The following SLC41A3 variants were observed in gnomAD, a reference collection of about 807,000 sequenced individuals.
SLC41A3 encodes SLC41A1-like 2.
A neutral mutation model predicts 45.4 loss-of-function variants in SLC41A3; 44 were observed. That is an observed-to-expected ratio of 0.97 (90% confidence interval 0.76 to 1.25). The LOEUF (loss-of-function observed/expected upper bound fraction) is 1.25, where lower values mean the gene tolerates loss of function less well. Ranked by LOEUF, SLC41A3 falls within the 50% of genes most tolerant of loss-of-function variation. The probability of loss-of-function intolerance (pLI) is 0.00; values close to 1 mark genes in which losing one functional copy is unlikely to be tolerated. For synonymous variants in SLC41A3, 256 were observed against 252.4 expected (o/e 1.01, Z -0.13); for missense variants, 550 against 600.6 (o/e 0.92, Z 0.88).
At chr3:126,036,747 A>G (rs934017853) in intron 3 of SLC41A3, among the ~76,000 whole-genome samples, 3 of 152,078 alleles carry the variant, frequency 2.0e-5, no homozygotes, top group African/African-American at 7.2e-5. Context: ...CACTCACATA[A>G]TTTGTCATTA....
intron 10 of SLC41A3, among the ~76,000 whole-genome samples, chr3:126,007,910 C>T (rs747351751): frequency 2.6e-5 from 4 of 152,250 alleles, no homozygotes; most frequent in African/African-American, 7.2e-5. Context: ...ACCATCAGCC[C>T]GCTGCAGTCT....
At chr3:126,008,560 G>A (rs531688416) in intron 10 of SLC41A3, among the ~76,000 whole-genome samples, 172 bp downstream of exon 10, 1 of 152,092 alleles carries the variant, frequency 6.6e-6, no homozygotes, top group Non-Finnish European at 1.5e-5. Context: ...GGTGTGCAGT[G>A]TGGAATGGCC....
chr3:126,089,862 A>G (rs1032940434), intron 1 of SLC41A3, among the ~76,000 whole-genome samples: 11 of 152,184 alleles, frequency 7.2e-5, no homozygotes, highest in Non-Finnish European at 1.5e-4. Context: ...ACTGATAAAC[A>G]AGGAGCCCTT....
rs367625150 is a variant in SLC41A3, at chr3:126,068,236, G to A, written c.-17C>T. ...CCCATCCATCTGGGCACAGCTGGGCGCCTGGCAGCCCTACAGTGGGAGACA... is the reference window on the plus strand; with the variant it reads ...CCCATCCATCTGGGCACAGCTGGGCACCTGGCAGCCCTACAGTGGGAGACA... On this transcript the variant is annotated 5_prime_UTR_variant, in exon 2 of 11. Transcript: ENST00000360370. The A allele has an allele frequency of 1.1e-4, 169 of 1,500,982 alleles. No homozygotes were observed. The highest frequency in any genetic ancestry group is 1.3e-4 in the Non-Finnish European group (149 of 1,126,462). 93.0% of individuals were successfully genotyped at this position (1,500,982 alleles called of 1,614,324 possible).
intron 1 of SLC41A3, among the ~76,000 whole-genome samples, chr3:126,075,338 T>C (rs1412879005): frequency 5.3e-5 from 8 of 152,132 alleles, no homozygotes; most frequent in African/African-American, 1.9e-4. Flanking sequence ...TGAAGAAAAC[T>C]TCAGAACAAA....
intron 1 of SLC41A3, among the ~76,000 whole-genome samples, chr3:126,071,622 T>C (rs901165424): frequency 1.3e-5 from 2 of 152,200 alleles, no homozygotes; most frequent in African/African-American, 2.4e-5. Context: ...ATGGAACATT[T>C]TGCAGGCTTG....
At chr3:126,066,987 C>T (rs894998604) in intron 2 of SLC41A3, among the ~76,000 whole-genome samples, 2 of 152,096 alleles carry the variant, frequency 1.3e-5, no homozygotes, top group Non-Finnish European at 2.9e-5. Context: ...ATGCTGCAGA[C>T]TCAGAGCACA....
chr3:126,016,910 G>T, intron 6 of SLC41A3, 35 bp from the exon 7 acceptor site: 1 of 1,603,172 alleles, frequency 6.2e-7, no homozygotes, highest in South Asian at 1.1e-5. Context: ...CAGCTCATGT[G>T]GCCAAGGCCA....
At chr3:126,007,248 CAAA>C (rs1559798869) in intron 10 of SLC41A3, 23 bp from the exon 11 acceptor site, 1 of 1,610,468 alleles carries the variant, frequency 6.2e-7, no homozygotes, top group Non-Finnish European at 8.5e-7. Context: ...CAAAGAGACA[CAAA>C]AGAAGACCAA....
At chr3:126,095,097 A>G (rs1391075165) in intron 1 of SLC41A3, 13 of 567,904 alleles carry the variant, frequency 2.3e-5, no homozygotes, top group Non-Finnish European at 3.8e-5. Flanking sequence ...CAGAAGCAGA[A>G]CAACTGATTT....
intron 3 of SLC41A3, among the ~76,000 whole-genome samples, chr3:126,037,198 G>C (rs1228247377): frequency 6.6e-6 from 1 of 152,044 alleles, no homozygotes; most frequent in Non-Finnish European, 1.5e-5. Flanking sequence ...CCCTTCTCCT[G>C]CTCCCTCTCT....
rs1939841592 is a variant in SLC41A3 at position 126,012,676 on chromosome 3, G to A, written c.1044C>T (p.Gly348=). ...STYLHMWSAP[G]VLPLQMKKFW... ...ATTTCTTCATCTGGAGGGGCAGGACGCCAGGTGCACTCCACATGTGCAGGT... is the reference window on the plus strand; with the variant it reads ...ATTTCTTCATCTGGAGGGGCAGGACACCAGGTGCACTCCACATGTGCAGGT... Residue 348 remains glycine, a synonymous_variant, in exon 9 of 11, where the codon GGC becomes GGT. Transcript: ENST00000360370. The A allele has an allele frequency of 3.7e-6, 6 of 1,614,206 alleles. No individual in the cohort carries two copies. Among genetic ancestry groups the A allele is most frequent in the Non-Finnish European group, 3.4e-6 (4 of 1,180,040 alleles).
Position 126,055,446 on chromosome 3 carries a change from G to A in SLC41A3, c.274-4396C>T, listed in dbSNP as rs62263464. Among the ~76,000 whole-genome samples the A allele has an allele frequency of 5.4e-3, 824 of 152,198 alleles. 2 individuals are homozygous for A. Among genetic ancestry groups the A allele is most frequent in the Middle Eastern group, 0.02 (6 of 294 alleles). ...GGAGAATCATTTGAACCCAGGAGGC[G>A]GAGGTTGCAGTGAGCCGAGATCACG... On this transcript the variant is annotated intron_variant, in intron 2 of 10. Transcript: ENST00000360370.
At position 126,012,765 on chromosome 3, in the gene SLC41A3, G is replaced by C; in HGVS notation, c.971-16C>G. On this transcript the variant is annotated splice_polypyrimidine_tract_variant and intron_variant, in intron 8 of 10. Coordinates refer to ENST00000360370, the MANE Select transcript of SLC41A3 (RefSeq NM_017836.4). Reference sequence around the variant, plus strand: ...CCACCAACACCTACGAGGAGAAAAGGAATCTGTTTTCCCTTTCTTTACGCC... The same window carrying C: ...CCACCAACACCTACGAGGAGAAAAGCAATCTGTTTTCCCTTTCTTTACGCC... 1 of 1,613,926 alleles carries C rather than the reference G, an allele frequency of 6.2e-7. No homozygotes were observed. Among genetic ancestry groups the C allele is most frequent in the African/African-American group, 1.3e-5 (1 of 75,048 alleles).
At chr3:126,050,847 A>C in intron 3 of SLC41A3, 96 bp downstream of exon 3, 1 of 1,459,326 alleles carries the variant, frequency 6.9e-7, no homozygotes. Flanking sequence ...TGTTTTGGAG[A>C]ATCCAACCCA....
At chr3:126,023,086 T>G in intron 5 of SLC41A3, 154 bp from the exon 6 acceptor site, 1 of 1,010,236 alleles carries the variant, frequency 9.9e-7, no homozygotes, top group Non-Finnish European at 1.4e-6. Flanking sequence ...ACAAAGTCCT[T>G]GACGTGAAGC....
At position 126,022,761 on chromosome 3, in the gene SLC41A3, G is replaced by T. The variant is rs1313021845; in HGVS notation, c.745+25C>A. The T allele has an allele frequency of 2.5e-6, 4 of 1,613,732 alleles. No homozygotes were observed. In the South Asian group the frequency reaches 4.4e-5, roughly 18 times the overall value. ...GGCCCCCCCTCCACGGAGCCTTTGT[G>T]TCTATAGAAGAAGACACTCTTTACC... On this transcript the variant is annotated intron_variant, in intron 6 of 10. Coordinates refer to ENST00000360370, the MANE Select transcript of SLC41A3 (RefSeq NM_017836.4).
At chr3:126,028,862 T>A (rs572110384) in intron 4 of SLC41A3, among the ~76,000 whole-genome samples, 1 of 152,336 alleles carries the variant, frequency 6.6e-6, no homozygotes, top group South Asian at 2.1e-4. Context: ...AGGAGATTAT[T>A]TGGGAGCTTT....
intron 2 of SLC41A3, among the ~76,000 whole-genome samples, chr3:126,058,847 T>C (rs1943835444): frequency 1.3e-5 from 2 of 152,134 alleles, no homozygotes; most frequent in African/African-American, 2.4e-5. Flanking sequence ...ACGGGGGCCA[T>C]GCCCGTGCTC....
Sources: allele counts gnomAD v4.1 joint callset (sites outside exome capture counted in the v4.1 genomes callset), GRCh38; gene constraint gnomAD v4.1.1; transcripts MANE v1.5; gene names NCBI Gene and HGNC (gene_info 2026-07-23, HGNC 2026-07-21).